The following COLEC11 variants were observed in gnomAD, a reference collection of about 807,000 sequenced individuals.
COLEC11 encodes the protein collectin subfamily member 11.
In COLEC11, 20 loss-of-function variants were observed where a neutral mutation model predicts 27.3. That is an observed-to-expected ratio of 0.73 (90% CI 0.51 to 1.06). COLEC11 has a LOEUF of 1.06. Ranked by LOEUF, COLEC11 falls within the 50% of genes least tolerant of loss-of-function variation. COLEC11 has a pLI of 0.00. For missense variants in COLEC11, 310 were observed against 383.0 expected (o/e 0.81, Z 1.59); for synonymous variants, 163 against 154.7 (o/e 1.05, Z -0.40).
chr2:3,610,339 G>C (rs1414406524), intron 2 of COLEC11, among the ~76,000 whole-genome samples: 1 of 152,212 alleles, frequency 6.6e-6, no homozygotes, highest in Admixed American at 6.5e-5. Context: ...TGGCAGACCT[G>C]CTTAGTGTTA....
At chr2:3,628,056 C>T (rs1292455260) in intron 3 of COLEC11, among the ~76,000 whole-genome samples, 2 of 152,334 alleles carry the variant, frequency 1.3e-5, no homozygotes, top group Admixed American at 1.3e-4. Flanking sequence ...ATGAGTGGGC[C>T]TGGGGTCTGC....
intron 2 of COLEC11, among the ~76,000 whole-genome samples, chr2:3,608,687 CAA>C (rs1000724370): frequency 6.6e-6 from 1 of 152,138 alleles, no homozygotes; most frequent in East Asian, 1.9e-4. Flanking sequence ...CAAAACAAAA[CAA>C]AAAAACAACC....
intron 1 of COLEC11, chr2:3,603,375 G>T: frequency 2.4e-6 from 1 of 425,318 alleles, no homozygotes. Flanking sequence ...GGAGTGTAGT[G>T]GCGTGATCTC....
At chr2:3,616,552 C>T (rs1663753808) in intron 3 of COLEC11, among the ~76,000 whole-genome samples, 1 of 152,254 alleles carries the variant, frequency 6.6e-6, no homozygotes, top group African/African-American at 2.4e-5. Context: ...CGGTTAGGAG[C>T]TGGAGACCAG....
chr2:3,644,315 T>C lies in COLEC11; in HGVS notation c.*197T>C. 6.8e-6 allele frequency: 5 copies of C among 731,396 alleles called. No homozygotes were observed. The allele number at this position is 731,396 out of a possible 1,614,324, so 45.3% of individuals were successfully genotyped here. On this transcript the variant is annotated 3_prime_UTR_variant, in exon 7 of 7. Transcript: ENST00000349077. ...ATGAAAGTGTTCCTGGGGTGCTGTCTCTGAAGAAGCAGAGTTTCATTACCT... is the reference window on the plus strand; with the variant it reads ...ATGAAAGTGTTCCTGGGGTGCTGTCCCTGAAGAAGCAGAGTTTCATTACCT...
At chr2:3,606,201 G>A (rs1662682029) in intron 2 of COLEC11, 1 of 1,550,472 alleles carries the variant, frequency 6.4e-7, no homozygotes, top group Non-Finnish European at 8.7e-7. Flanking sequence ...AATGTGGTGG[G>A]TGCCTCCGAG....
intron 3 of COLEC11, among the ~76,000 whole-genome samples, chr2:3,623,895 C>G (rs1572437223): frequency 6.6e-6 from 1 of 152,180 alleles, no homozygotes; most frequent in African/African-American, 2.4e-5. Flanking sequence ...TCCTTGAAGT[C>G]TTGCATTGCT....
intron 3 of COLEC11, among the ~76,000 whole-genome samples, chr2:3,615,155 A>G (rs1178744736): frequency 1.3e-5 from 2 of 148,816 alleles, no homozygotes; most frequent in Middle Eastern, 3.5e-3. Context: ...TATTTTTAGT[A>G]TTTATTGATC....
chr2:3,640,359 T>C (rs755701101), intron 5 of COLEC11, 28 bp downstream of exon 5: 1 of 1,350,208 alleles, frequency 7.4e-7, no homozygotes, highest in Non-Finnish European at 1.1e-6. Context: ...CAAGGATTTT[T>C]AATAAAATGT....
intron 3 of COLEC11, among the ~76,000 whole-genome samples, chr2:3,628,801 T>G (rs1401519784): frequency 2.0e-5 from 3 of 152,168 alleles, no homozygotes; most frequent in African/African-American, 7.2e-5. Context: ...TAATAAGAAC[T>G]CCACACCTGC....
intron 3 of COLEC11, among the ~76,000 whole-genome samples, chr2:3,621,067 A>C (rs4850073): frequency 0.45 from 68,700 of 152,044 alleles, 18,443 homozygotes; most frequent in East Asian, 0.68. Context: ...TTTATGTACA[A>C]TGTTTTCTTA....
intron 1 of COLEC11, among the ~76,000 whole-genome samples, chr2:3,601,419 A>C (rs1307712364): frequency 6.6e-6 from 1 of 152,100 alleles, no homozygotes; most frequent in African/African-American, 2.4e-5. Context: ...CTCCCACTTC[A>C]GCCTCTCCAG....
At chr2:3,621,780 TAAC>T (rs1390547035) in intron 3 of COLEC11, among the ~76,000 whole-genome samples, 4 of 152,228 alleles carry the variant, frequency 2.6e-5, no homozygotes, top group Non-Finnish European at 5.9e-5. Context: ...GCTAAACTAA[TAAC>T]AACTTAACTT....
Position 3,606,486 on chromosome 2 carries a change from C to T in COLEC11, c.130+2016C>T, listed in dbSNP as rs1203987816. ...TGACGGGTCACCTGTCCTCCCAAGC[C>T]TCGGCCTCCTGGTCCGTGAGGTTGG... is the stretch of plus-strand genomic sequence containing the variant. On this transcript the variant is annotated intron_variant, in intron 2 of 6. Coordinates refer to ENST00000349077, the MANE Select transcript of COLEC11 (RefSeq NM_024027.5). 4.6e-5 allele frequency among the ~76,000 whole-genome samples: 7 copies of T among 152,190 alleles called. No homozygotes were observed. The South Asian group carries it at 1.2e-3, about 27-fold the overall frequency.
intron 3 of COLEC11, among the ~76,000 whole-genome samples, chr2:3,625,482 G>A (rs1440261553): frequency 1.3e-5 from 2 of 150,810 alleles, no homozygotes; most frequent in Non-Finnish European, 2.9e-5. Flanking sequence ...TCTGGAGACA[G>A]GGAGGGCTAG....
chr2:3,632,236 GA>G (rs1424742380), intron 3 of COLEC11, among the ~76,000 whole-genome samples: 2 of 152,248 alleles, frequency 1.3e-5, no homozygotes, highest in Non-Finnish European at 2.9e-5. Context: ...GCTGTGCTCG[GA>G]ATCACGGGGC....
intron 3 of COLEC11, among the ~76,000 whole-genome samples, chr2:3,636,770 T>C (rs527728422): frequency 2.2e-3 from 328 of 152,264 alleles, no homozygotes; most frequent in Non-Finnish European, 3.8e-3. Flanking sequence ...AACTCCACCC[T>C]CTGGCTTAGT....
At position 3,634,922 on chromosome 2, in the gene COLEC11, C is replaced by T. The variant is rs542679988; in HGVS notation, c.203-2611C>T. ...CCCTGTCCTCACTGGGTGCCCCCAG[C>T]GATAGTGCCTCTCACCGCCTTGCTG... On this transcript the variant is annotated intron_variant, in intron 3 of 6. Transcript: ENST00000349077. 1.5e-4 allele frequency among the ~76,000 whole-genome samples: 23 copies of T among 151,310 alleles called. No homozygotes were observed. In the South Asian group the frequency reaches 2.3e-3, roughly 15 times the overall value.
chr2:3,613,388 T>C lies in COLEC11; in HGVS notation c.202+6T>C, dbSNP rs1397914901. On this transcript the variant is annotated splice_donor_region_variant and intron_variant, in intron 3 of 6. Transcript: ENST00000349077. ...CGGCCCCACGGGAGAAAAAGGTACC[T>C]GCAGCCCTGGGCCGGCCCTCAGAGC... 1.3e-6 allele frequency: 2 copies of C among 1,585,188 alleles called. No homozygotes were observed. The highest frequency in any genetic ancestry group is 1.7e-6 in the Non-Finnish European group (2 of 1,165,342).
Sources: gnomAD v4.1 joint callset for allele counts (sites outside exome capture counted in the v4.1 genomes callset) on GRCh38, gnomAD v4.1.1 for gene constraint, MANE v1.5 for transcripts, NCBI Gene and HGNC (gene_info 2026-07-23, HGNC 2026-07-21) for gene names.